Variants in ZFAND6 observed in about 807,000 individuals in gnomAD.
ZFAND6 encodes zinc finger AN1-type containing 6.
In ZFAND6, 12 loss-of-function variants were observed where a neutral mutation model predicts 24.5. The observed-to-expected ratio is 0.49, with a 90% CI of 0.31 to 0.79. ZFAND6 has a LOEUF of 0.79. Ranked by LOEUF, ZFAND6 falls within the 30% of genes least tolerant of loss-of-function variation. The pLI, the probability that ZFAND6 is intolerant of heterozygous loss-of-function variation, is 0.04. For synonymous variants in ZFAND6, 92 were observed against 81.5 expected, an observed-to-expected ratio of 1.13 and a Z score of -0.69; for missense variants, 207 against 245.9, an observed-to-expected ratio of 0.84 and a Z score of 1.06.
chr15:80,060,260 A>G lies in ZFAND6; in HGVS notation c.-181+451A>G, dbSNP rs1051152743. On this transcript the variant is annotated intron_variant, in intron 1 of 6. Coordinates refer to ENST00000261749, the MANE Select transcript of ZFAND6 (RefSeq NM_019006.4). ...CTCCGAGTCTCAGGTCCTCTTCGGG[A>G]TGTTTTTCCACCTGCGGCGTTTTTC... is the stretch of plus-strand genomic sequence containing the variant. 5 of 151,866 alleles carry G rather than the reference A, an allele frequency of 3.3e-5. 1 individual carries two copies. Among genetic ancestry groups the G allele is most frequent in the Non-Finnish European group, 7.4e-5 (5 of 68,000 alleles). 9.4% of individuals were successfully genotyped at this position (151,866 alleles called of 1,614,324 possible). A position where few individuals can be genotyped will look rare whatever the true frequency, so the allele number is the denominator to read the frequency against.
intron 2 of ZFAND6, among the ~76,000 whole-genome samples, chr15:80,119,093 C>G (rs532913730): frequency 4.0e-5 from 3 of 75,352 alleles, no homozygotes; most frequent in African/African-American, 1.2e-4. Context: ...AAAGAGAGCC[C>G]GTTAGTACTT....
intron 1 of ZFAND6, among the ~76,000 whole-genome samples, chr15:80,079,603 T>C (rs1157272700): frequency 1.3e-5 from 2 of 151,778 alleles, no homozygotes; most frequent in South Asian, 2.1e-4. Flanking sequence ...TTGAATGTTA[T>C]AATAGATTTA....
At chr15:80,105,011 C>T (rs2039244761) in intron 2 of ZFAND6, among the ~76,000 whole-genome samples, 1 of 152,018 alleles carries the variant, frequency 6.6e-6, no homozygotes, top group Non-Finnish European at 1.5e-5. Flanking sequence ...GGTGGGATTC[C>T]CTGTTGCTTG....
At chr15:80,091,946 T>G (rs773823718) in intron 1 of ZFAND6, among the ~76,000 whole-genome samples, 27 of 152,212 alleles carry the variant, frequency 1.8e-4, no homozygotes, top group Non-Finnish European at 2.5e-4. Flanking sequence ...GGCCAATCCA[T>G]ATATTTAATA....
At chr15:80,123,679 G>A (rs1465620374) in intron 5 of ZFAND6, among the ~76,000 whole-genome samples, 1 of 152,188 alleles carries the variant, frequency 6.6e-6, no homozygotes, top group East Asian at 1.9e-4. Context: ...AAGGCAGGAG[G>A]ATCGCTTGAG....
chr15:80,128,622 C>T (rs934914203), intron 5 of ZFAND6, among the ~76,000 whole-genome samples: 4 of 152,150 alleles, frequency 2.6e-5, no homozygotes, highest in Non-Finnish European at 4.4e-5. Flanking sequence ...CATTTGGTGA[C>T]TGTTGAAATT....
intron 2 of ZFAND6, among the ~76,000 whole-genome samples, chr15:80,117,555 T>A (rs904064015): frequency 7.2e-5 from 11 of 152,178 alleles, no homozygotes; most frequent in African/African-American, 2.4e-4. Context: ...AGTTTATTAG[T>A]CATTCTTTCA....
intron 1 of ZFAND6, among the ~76,000 whole-genome samples, chr15:80,082,914 A>G (rs1257256589): frequency 2.0e-5 from 3 of 152,132 alleles, no homozygotes; most frequent in African/African-American, 7.2e-5. Flanking sequence ...GTTTTCTCTG[A>G]GGTGGATATG....
chr15:80,092,328 A>G (rs533362569), intron 1 of ZFAND6, among the ~76,000 whole-genome samples: 1,458 of 124,522 alleles, frequency 0.012, 22 homozygotes, highest in African/African-American at 0.041. Context: ...CTCTACAGGA[A>G]AAAAAAAAAA....
At chr15:80,064,050 G>A (rs1256979427) in intron 1 of ZFAND6, among the ~76,000 whole-genome samples, 1 of 152,252 alleles carries the variant, frequency 6.6e-6, no homozygotes, top group African/African-American at 2.4e-5. Flanking sequence ...CACATGGACA[G>A]TTCCATCTTA....
chr15:80,064,117 CTTA>C (rs200928214), intron 1 of ZFAND6, among the ~76,000 whole-genome samples: 3 of 152,044 alleles, frequency 2.0e-5, no homozygotes, highest in South Asian at 2.1e-4. Flanking sequence ...TTATTTTTTT[CTTA>C]TTATTATAAG....
intron 1 of ZFAND6, among the ~76,000 whole-genome samples, chr15:80,093,518 G>A (rs966833991): frequency 2.0e-5 from 3 of 151,978 alleles, no homozygotes; most frequent in Non-Finnish European, 2.9e-5. Flanking sequence ...ACCGAGGTCA[G>A]GAGTTTGAGA....
intron 2 of ZFAND6, among the ~76,000 whole-genome samples, chr15:80,117,208 A>G (rs1165653476): frequency 6.6e-6 from 1 of 152,130 alleles, no homozygotes; most frequent in African/African-American, 2.4e-5. Context: ...TTCATTTACA[A>G]AAATATCTAC....
chr15:80,077,675 AG>A (rs1398481231), intron 1 of ZFAND6, among the ~76,000 whole-genome samples: 1 of 151,458 alleles, frequency 6.6e-6, no homozygotes, highest in Non-Finnish European at 1.5e-5. Context: ...ACCCATTGTA[AG>A]AATAGGAGTG....
intron 6 of ZFAND6, 112 bp from the exon 7 acceptor site, chr15:80,137,368 T>TTG: frequency 8.4e-7 from 1 of 1,185,114 alleles, no homozygotes; most frequent in Non-Finnish European, 1.2e-6. Context: ...TTTAGAATGA[T>TTG]TCTTTAGTTT....
chr15:80,101,684 C>T (rs2039040027), intron 2 of ZFAND6, among the ~76,000 whole-genome samples: 1 of 150,974 alleles, frequency 6.6e-6, no homozygotes, highest in Non-Finnish European at 1.5e-5. Flanking sequence ...AAGATTGGTT[C>T]TTGTATCAGA....
At chr15:80,062,855 C>G (rs999465079) in intron 1 of ZFAND6, among the ~76,000 whole-genome samples, 1 of 152,114 alleles carries the variant, frequency 6.6e-6, no homozygotes, top group East Asian at 1.9e-4. Context: ...TGTGTGTATT[C>G]TTAATATCCT....
chr15:80,125,797 T>A (rs1212763545), intron 5 of ZFAND6, among the ~76,000 whole-genome samples: 1 of 152,228 alleles, frequency 6.6e-6, no homozygotes, highest in Non-Finnish European at 1.5e-5. Context: ...ATACTGAATT[T>A]GGATTCATAA....
rs10163055 is a variant in ZFAND6, at chr15:80,075,939, A to G, written c.-181+16130A>G. The stretch of plus-strand genomic sequence containing the variant: ...CATCTGCTACCAATAGATTTTTGTA[A>G]GTACTAGATTTCTCAGCAACATTTA... On this transcript the variant is annotated intron_variant, in intron 1 of 6. Transcript: ENST00000261749. Among the ~76,000 whole-genome samples, 256 of 152,190 alleles carry G rather than the reference A, an allele frequency of 1.7e-3. 2 individuals are homozygous for G. The highest frequency in any genetic ancestry group is 5.8e-3 in the African/African-American group (240 of 41,556).
Sources: gnomAD v4.1 joint callset for allele counts (sites outside exome capture counted in the v4.1 genomes callset) on GRCh38, gnomAD v4.1.1 for gene constraint, MANE v1.5 for transcripts, NCBI Gene and HGNC (gene_info 2026-07-23, HGNC 2026-07-21) for gene names.